Variants in ERGIC2 observed in about 807,000 individuals in gnomAD.
The protein encoded by ERGIC2 is ERGIC and golgi 2, also known as endoplasmic reticulum-Golgi intermediate compartment protein 2.
A neutral mutation model predicts 52.5 loss-of-function variants in ERGIC2; 31 were observed. That is an observed-to-expected ratio of 0.59 (90% confidence interval 0.44 to 0.80). The LOEUF (loss-of-function observed/expected upper bound fraction) is 0.80. ERGIC2 is among the 30% of genes least tolerant of loss of function. ERGIC2 has a pLI of 0.00. For synonymous variants in ERGIC2, 129 were observed against 140.6 expected (o/e 0.92, Z 0.58); for missense variants, 395 against 455.2 (o/e 0.87, Z 1.20).
At chr12:29,360,238 C>T (rs1352446947) in intron 6 of ERGIC2, among the ~76,000 whole-genome samples, 1 of 151,886 alleles carries the variant, frequency 6.6e-6, no homozygotes, top group African/African-American at 2.4e-5. Context: ...TAGAAATACA[C>T]ACACACACAA....
Position 29,357,335 on chromosome 12 carries a change from C to T in ERGIC2, c.476+288G>A, listed in dbSNP as rs574270099. 8.5e-5 allele frequency among the ~76,000 whole-genome samples: 13 copies of T among 152,176 alleles called. No homozygotes were observed. The South Asian group carries it at 2.7e-3, about 32-fold the overall frequency. On this transcript the variant is annotated intron_variant, in intron 7 of 13. Coordinates refer to ENST00000360150, the MANE Select transcript of ERGIC2 (RefSeq NM_016570.3). ...AAATTTCTAACCAAAGCTTATATAT[C>T]CTCAAAATAGTAAATGAAACTAATT...
chr12:29,359,313 C>A lies in ERGIC2; in HGVS notation c.375-1589G>T, dbSNP rs541259619. On this transcript the variant is annotated intron_variant, in intron 6 of 13. Coordinates refer to ENST00000360150, the MANE Select transcript of ERGIC2 (RefSeq NM_016570.3). ...TTCACTTTTTTTGTGTCTTGTAATTCGAGAGATCAACTTTTGAAGCATGGC... is the reference window on the plus strand; with the variant it reads ...TTCACTTTTTTTGTGTCTTGTAATTAGAGAGATCAACTTTTGAAGCATGGC... 7.3e-5 allele frequency among the ~76,000 whole-genome samples: 11 copies of A among 151,636 alleles called. No individual in the cohort carries two copies. The East Asian group carries it at 1.9e-3, about 27-fold the overall frequency.
chr12:29,363,224 CTT>C lies in ERGIC2; in HGVS notation c.334-1541_334-1540del, dbSNP rs527640462. Among the ~76,000 whole-genome samples, 6 of 152,178 alleles carry C rather than the reference CTT, an allele frequency of 3.9e-5. No individual in the cohort carries two copies. In the South Asian group the frequency reaches 1.2e-3, roughly 32 times the overall value. On this transcript the variant is annotated intron_variant, in intron 5 of 13. Transcript: ENST00000360150. ...ACTTTCCCACCTTTTAAAAATTCTT[CTT>C]GTCTTTAAATAGTAACTAAATGCAA...
chr12:29,361,155 G>A (rs532376370), intron 6 of ERGIC2, among the ~76,000 whole-genome samples: 5 of 152,144 alleles, frequency 3.3e-5, no homozygotes, highest in Admixed American at 2.0e-4. Flanking sequence ...AGGAGGCTGA[G>A]GCAGGAGAAT....
At chr12:29,376,813 T>C (rs763102143) in intron 1 of ERGIC2, among the ~76,000 whole-genome samples, 37 of 152,334 alleles carry the variant, frequency 2.4e-4, no homozygotes, top group Non-Finnish European at 4.4e-4. Context: ...CCAGAAGTCA[T>C]TGCTATTCTG....
Position 29,357,622 on chromosome 12 carries a change from C to G in ERGIC2, c.476+1G>C, listed in dbSNP as rs748088540. 1 of 1,485,642 alleles carries G rather than the reference C, an allele frequency of 6.7e-7. No homozygotes were observed. The highest frequency in any genetic ancestry group is 1.7e-5 in the Admixed American group (1 of 58,704). The allele number at this position is 1,485,642 out of a possible 1,614,324, so 92.0% of individuals were successfully genotyped here. A position where few individuals can be genotyped will look rare whatever the true frequency, so the allele number is the denominator to read the frequency against. ...TTGCACATTTAAAATACAGATCTCA[C>G]CTTGGTGGAAGAGCTGTTGATGTAC... On this transcript the variant is annotated splice_donor_variant, in intron 7 of 13. Transcript: ENST00000360150. LOFTEE classifies it high-confidence loss of function.
At chr12:29,351,195 T>A (rs955478992) in intron 8 of ERGIC2, among the ~76,000 whole-genome samples, 3 of 152,164 alleles carry the variant, frequency 2.0e-5, no homozygotes, top group Admixed American at 2.0e-4. Flanking sequence ...GGAGAGCAAA[T>A]GAAGTTTACC....
At chr12:29,371,062 T>G (rs1376071534) in intron 2 of ERGIC2, among the ~76,000 whole-genome samples, 1 of 152,140 alleles carries the variant, frequency 6.6e-6, no homozygotes, top group Non-Finnish European at 1.5e-5. Flanking sequence ...ATTGTTATAG[T>G]CACACATTTT....
In ERGIC2 at chr12:29,370,361, A is replaced by G. The variant is rs866730493; in HGVS notation, c.107-139T>C. On this transcript the variant is annotated intron_variant, in intron 2 of 13. Transcript: ENST00000360150. ...CTTCCATTTGAATGCATACTATAGAAGGTTTTTATTCAAAATGTTTATTAT... is the reference window on the plus strand; with the variant it reads ...CTTCCATTTGAATGCATACTATAGAGGGTTTTTATTCAAAATGTTTATTAT... 1.6e-5 allele frequency: 16 copies of G among 970,186 alleles called. No individual in the cohort carries two copies. The South Asian group carries it at 3.1e-4, about 19-fold the overall frequency. The allele number at this position is 970,186 out of a possible 1,614,324, so 60.1% of individuals were successfully genotyped here.
At position 29,361,690 on chromosome 12, in the gene ERGIC2, A is replaced by C; in HGVS notation, c.334-5T>G. On this transcript the variant is annotated splice_polypyrimidine_tract_variant and splice_region_variant and intron_variant, in intron 5 of 13. Transcript: ENST00000360150. ...TGGTGAAAGATCAAATACTGTCTGA[A>C]ATGAAAGAAAACATAATCACTAGCA... 1 of 1,599,998 alleles carries C rather than the reference A, an allele frequency of 6.3e-7. No individual in the cohort carries two copies. Among genetic ancestry groups the C allele is most frequent in the Non-Finnish European group, 8.5e-7 (1 of 1,173,106 alleles).
intron 11 of ERGIC2, among the ~76,000 whole-genome samples, chr12:29,344,259 T>C (rs983745495): frequency 1.3e-5 from 2 of 152,202 alleles, no homozygotes; most frequent in African/African-American, 4.8e-5. Context: ...CACCGTATCT[T>C]TGGAATAGCT....
At chr12:29,348,389 T>C (rs1219835369) in intron 10 of ERGIC2, among the ~76,000 whole-genome samples, 1 of 152,050 alleles carries the variant, frequency 6.6e-6, no homozygotes, top group African/African-American at 2.4e-5. Context: ...CCTTAAAATG[T>C]CCAATAGCTG....
At chr12:29,366,819 TTCAAGCGTACGA>T in intron 5 of ERGIC2, 46 bp downstream of exon 5, 1 of 1,020,294 alleles carries the variant, frequency 9.8e-7, no homozygotes, top group Non-Finnish European at 1.5e-6. Flanking sequence ...ACTATCTGTC[TTCAAGCGTACGA>T]TTCCTCAACC....
Position 29,366,877 on chromosome 12 carries a change from T to C in ERGIC2, c.333A>G (p.Pro111=), listed in dbSNP as rs772001598. 13 of 1,594,252 alleles carry C rather than the reference T, an allele frequency of 8.2e-6. No homozygotes were observed. The Admixed American group carries it at 1.2e-4, about 15-fold the overall frequency. The change falls in exon 5 of 14, where the codon CCA becomes CCG. Residue 111 remains proline, a splice_region_variant and synonymous_variant. Transcript: ENST00000360150. Reference sequence around the variant, plus strand: ...AAAAAACCATGTGAATCAAACTTACTGGTTCATAAACTAAACCATCTGCAG... The same window carrying C: ...AAAAAACCATGTGAATCAAACTTACCGGTTCATAAACTAAACCATCTGCAG... The part of the protein sequence containing the change: ...VASADGLVYE[P]TVFDLSPQQK...
chr12:29,356,057 C>G (rs1940199204), intron 8 of ERGIC2, among the ~76,000 whole-genome samples: 1 of 151,560 alleles, frequency 6.6e-6, no homozygotes, highest in Admixed American at 6.6e-5. Flanking sequence ...GAGTTTTGCT[C>G]ATCGCCCAGG....
chr12:29,351,912 C>T (rs1461498426), intron 8 of ERGIC2, among the ~76,000 whole-genome samples: 1 of 152,120 alleles, frequency 6.6e-6, no homozygotes, highest in African/African-American at 2.4e-5. Flanking sequence ...CAATCTGGCA[C>T]CATCAACAGA....
intron 5 of ERGIC2, among the ~76,000 whole-genome samples, chr12:29,362,942 C>A (rs1053851713): frequency 3.9e-5 from 6 of 152,120 alleles, no homozygotes; most frequent in Non-Finnish European, 8.8e-5. Context: ...TTGACAGTGG[C>A]GACTATATGA....
intron 1 of ERGIC2, among the ~76,000 whole-genome samples, chr12:29,375,898 G>A (rs1198379266): frequency 2.0e-5 from 3 of 152,056 alleles, no homozygotes; most frequent in African/African-American, 7.2e-5. Flanking sequence ...ATTCCATTTT[G>A]CATACTTGCC....
intron 5 of ERGIC2, among the ~76,000 whole-genome samples, chr12:29,363,809 G>A (rs1940318307): frequency 7.4e-6 from 1 of 135,252 alleles, no homozygotes; most frequent in Non-Finnish European, 1.6e-5. Flanking sequence ...GAAAAAAAAA[G>A]ATAGCATCAG....
Sources: gnomAD v4.1 joint callset for allele counts (sites outside exome capture counted in the v4.1 genomes callset) on GRCh38, gnomAD v4.1.1 for gene constraint, MANE v1.5 for transcripts, NCBI Gene and HGNC (gene_info 2026-07-23, HGNC 2026-07-21) for gene names.